PTK2B: variants seen among roughly 807,000 people sequenced by gnomAD.
The protein encoded by PTK2B is protein tyrosine kinase 2 beta.
A neutral mutation model predicts 142.9 loss-of-function variants in PTK2B; 71 were observed. The observed-to-expected ratio is 0.50, with a 90% CI of 0.41 to 0.61. The LOEUF is 0.61. Ranked by LOEUF, PTK2B falls within the 20% of genes least tolerant of loss-of-function variation. The probability of loss-of-function intolerance (pLI) is 0.00; values close to 1 mark genes in which losing one functional copy is unlikely to be tolerated. For missense variants in PTK2B, 1,105 were observed against 1,320.4 expected (o/e 0.84, Z 2.53); for synonymous variants, 519 against 503.4 (o/e 1.03, Z -0.42).
chr8:27,381,747 A>T (rs965674651), intron 1 of PTK2B, among the ~76,000 whole-genome samples: 2 of 152,196 alleles, frequency 1.3e-5, no homozygotes, highest in African/African-American at 4.8e-5. Flanking sequence ...GTTCCCCGTA[A>T]TGGTTATACT....
intron 1 of PTK2B, among the ~76,000 whole-genome samples, chr8:27,352,101 G>T (rs1187879770): frequency 6.6e-6 from 1 of 152,210 alleles, no homozygotes; most frequent in Non-Finnish European, 1.5e-5. Flanking sequence ...CGGCGGGGGG[G>T]CTGCCTGTCC....
intron 1 of PTK2B, among the ~76,000 whole-genome samples, chr8:27,331,276 G>A (rs1192851668): frequency 1.3e-5 from 2 of 151,990 alleles, no homozygotes; most frequent in Admixed American, 1.3e-4. Context: ...GTGAGAACCT[G>A]CCCCCCACAA....
intron 1 of PTK2B, among the ~76,000 whole-genome samples, chr8:27,344,425 A>C (rs887142866): frequency 6.6e-6 from 1 of 152,222 alleles, no homozygotes; most frequent in South Asian, 2.1e-4. Context: ...GCTTTCCTGC[A>C]TGCTGAAGGG....
chr8:27,318,557 T>C (rs996704352), intron 3 of PTK2B, among the ~76,000 whole-genome samples: 5 of 152,230 alleles, frequency 3.3e-5, no homozygotes, highest in Admixed American at 6.5e-5. Flanking sequence ...TGGGGAGTTA[T>C]GGAAATCCTG....
chr8:27,415,372 C>T (rs1032875962), intron 2 of PTK2B, among the ~76,000 whole-genome samples: 1 of 152,168 alleles, frequency 6.6e-6, no homozygotes, highest in Non-Finnish European at 1.5e-5. Flanking sequence ...GCTCCCCAAC[C>T]CTCTCCCATT....
intron 24 of PTK2B, among the ~76,000 whole-genome samples, chr8:27,449,900 T>A (rs747554814): frequency 1.3e-5 from 2 of 152,246 alleles, no homozygotes; most frequent in Non-Finnish European, 2.9e-5. Context: ...GAAGCATTTA[T>A]CTTCTCTCTA....
At chr8:27,408,154 T>C (rs1808839242) in intron 2 of PTK2B, among the ~76,000 whole-genome samples, 1 of 152,048 alleles carries the variant, frequency 6.6e-6, no homozygotes, top group Non-Finnish European at 1.5e-5. Flanking sequence ...CGAGGTGCCA[T>C]AGAAACTAGG....
At chr8:27,319,267 CCCT>C (rs1187097365) in intron 3 of PTK2B, among the ~76,000 whole-genome samples, 1 of 150,892 alleles carries the variant, frequency 6.6e-6, no homozygotes, top group Non-Finnish European at 1.5e-5. Context: ...TTTATCTCTC[CCCT>C]CTACAGATTT....
At chr8:27,406,595 GCAGCGGGA>G (rs1808727439) in intron 2 of PTK2B, among the ~76,000 whole-genome samples, 1 of 152,172 alleles carries the variant, frequency 6.6e-6, no homozygotes, top group Non-Finnish European at 1.5e-5. Flanking sequence ...CTGGAAGTTG[GCAGCGGGA>G]AATGTGTAGG....
Position 27,438,053 on chromosome 8 carries a change from TA to T in PTK2B, c.1643+176del, listed in dbSNP as rs1274351965. The stretch of plus-strand genomic sequence containing the variant: ...CTCTCTGACCCTGTGTCCTCATCTG[TA>T]AAGTTGCAGGCACTGTATGTACCTC... On this transcript the variant is annotated intron_variant, in intron 18 of 30. Coordinates refer to ENST00000346049, the MANE Select transcript of PTK2B (RefSeq NM_173176.3). 6 of 613,006 alleles carry T rather than the reference TA, an allele frequency of 9.8e-6. No individual in the cohort carries two copies. The African/African-American group carries it at 1.1e-4, about 11-fold the overall frequency. 38.0% of individuals were successfully genotyped at this position (613,006 alleles called of 1,614,324 possible). A position where few individuals can be genotyped will look rare whatever the true frequency, so the allele number is the denominator to read the frequency against.
chr8:27,368,894 A>G (rs1027830640), intron 1 of PTK2B, among the ~76,000 whole-genome samples: 1 of 152,146 alleles, frequency 6.6e-6, no homozygotes, highest in Non-Finnish European at 1.5e-5. Flanking sequence ...TGGGCTAGGA[A>G]GGAGGAAGCA....
At chr8:27,329,684 G>T (rs1303209964) in intron 1 of PTK2B, among the ~76,000 whole-genome samples, 2 of 152,082 alleles carry the variant, frequency 1.3e-5, no homozygotes, top group Non-Finnish European at 2.9e-5. Context: ...TAGAGTACGG[G>T]TCAGTTCCAG....
intron 13 of PTK2B, 107 bp downstream of exon 13, chr8:27,434,666 A>G (rs1810664073): frequency 7.9e-7 from 1 of 1,266,142 alleles, no homozygotes; most frequent in Admixed American, 2.2e-5. Flanking sequence ...AGTGACAGAA[A>G]AATGATCCTC....
At chr8:27,444,590 G>A (rs1489810907) in intron 23 of PTK2B, among the ~76,000 whole-genome samples, 1 of 152,134 alleles carries the variant, frequency 6.6e-6, no homozygotes, top group Non-Finnish European at 1.5e-5. Flanking sequence ...AGGAATCCCA[G>A]GGAATATTTC....
chr8:27,385,759 G>A (rs932646391), intron 1 of PTK2B, among the ~76,000 whole-genome samples: 5 of 152,014 alleles, frequency 3.3e-5, no homozygotes, highest in African/African-American at 1.2e-4. Context: ...TGGGTATGGG[G>A]GCGGGCACCT....
intron 2 of PTK2B, among the ~76,000 whole-genome samples, chr8:27,413,982 T>C (rs900950056): frequency 1.3e-5 from 2 of 152,238 alleles, no homozygotes; most frequent in African/African-American, 2.4e-5. Flanking sequence ...ATTCCTATCA[T>C]ATATTTTAAT....
Position 27,437,797 on chromosome 8 carries a change from C to T in PTK2B, c.1560C>T (p.Ser520=). 6.2e-7 allele frequency: 1 copy of T among 1,613,314 alleles called. No homozygotes were observed. Among genetic ancestry groups the T allele is most frequent in the Admixed American group, 1.7e-5 (1 of 59,890 alleles). Residue 520 remains serine, a synonymous_variant, in exon 18 of 31, where the codon TCC becomes TCT. Transcript: ENST00000346049. ...LGHYLERNKN[S]LKVLTLVLYS... is the part of the protein sequence containing the mutation. ...ACTACCTGGAGCGGAACAAGAACTC[C>T]CTGAAGGTGCTCACCCTCGTGCTGT...
chr8:27,455,467 T>C (rs753621375), intron 30 of PTK2B, among the ~76,000 whole-genome samples: 3 of 152,180 alleles, frequency 2.0e-5, no homozygotes, highest in Non-Finnish European at 4.4e-5. Flanking sequence ...GAGGATAGAC[T>C]GAGCCTGGGA....
chr8:27,399,005 G>A (rs924734805), intron 2 of PTK2B, among the ~76,000 whole-genome samples: 3 of 152,170 alleles, frequency 2.0e-5, no homozygotes, highest in Non-Finnish European at 4.4e-5. Context: ...CTGATATAAA[G>A]GCACAATTGT....
Sources: gnomAD v4.1 joint callset for allele counts (sites outside exome capture counted in the v4.1 genomes callset) on GRCh38, gnomAD v4.1.1 for gene constraint, MANE v1.5 for transcripts, NCBI Gene and HGNC (gene_info 2026-07-23, HGNC 2026-07-21) for gene names.